Variants in CCDC149 observed in about 807,000 individuals in gnomAD.
CCDC149 encodes the protein coiled-coil domain-containing protein 149.
CCDC149 carries 45 observed loss-of-function variants against 59.9 expected under a neutral mutation model. The observed-to-expected ratio is 0.75, with a 90% CI of 0.59 to 0.96. The LOEUF (loss-of-function observed/expected upper bound fraction) is 0.96. Ranked by LOEUF, CCDC149 falls within the 40% of genes least tolerant of loss-of-function variation. CCDC149 has a pLI of 0.00. For missense variants in CCDC149, 584 were observed against 664.7 expected (o/e 0.88, Z 1.33); for synonymous variants, 245 against 260.6 (o/e 0.94, Z 0.58).
chr4:24,930,916 C>T (rs1408690849), intron 1 of CCDC149, among the ~76,000 whole-genome samples: 1 of 152,138 alleles, frequency 6.6e-6, no homozygotes, highest in Admixed American at 6.6e-5. Context: ...CTGGCACAAA[C>T]TCATACCTAA....
chr4:24,972,974 G>A (rs1313244710), intron 1 of CCDC149, among the ~76,000 whole-genome samples: 3 of 152,054 alleles, frequency 2.0e-5, no homozygotes, highest in Non-Finnish European at 4.4e-5. Flanking sequence ...TGTAAGGGTG[G>A]GCACCCATGA....
At chr4:24,832,536 T>A (rs1310921311) in intron 8 of CCDC149, among the ~76,000 whole-genome samples, 1 of 152,220 alleles carries the variant, frequency 6.6e-6, no homozygotes, top group Non-Finnish European at 1.5e-5. Flanking sequence ...GAGAGAGACC[T>A]GCCCCTTGTG....
intron 1 of CCDC149, among the ~76,000 whole-genome samples, chr4:24,877,897 G>A (rs563272089): frequency 2.6e-5 from 4 of 152,230 alleles, no homozygotes; most frequent in Admixed American, 6.5e-5. Flanking sequence ...ATATTGCACC[G>A]TCTAGTATTA....
chr4:24,946,739 C>T (rs1723119902), intron 1 of CCDC149, among the ~76,000 whole-genome samples: 1 of 152,128 alleles, frequency 6.6e-6, no homozygotes, highest in South Asian at 2.1e-4. Context: ...TTCATCTCTG[C>T]CATCCTAGTG....
At chr4:24,838,765 T>C (rs771164045) in intron 4 of CCDC149, among the ~76,000 whole-genome samples, 1 of 150,714 alleles carries the variant, frequency 6.6e-6, no homozygotes, top group Non-Finnish European at 1.5e-5. Context: ...ATTGCACTGT[T>C]ATTTAAAGAG....
At chr4:24,891,075 G>A (rs746489492) in intron 1 of CCDC149, among the ~76,000 whole-genome samples, 2 of 152,188 alleles carry the variant, frequency 1.3e-5, no homozygotes, top group Admixed American at 6.5e-5. Flanking sequence ...ATATTTTCCT[G>A]AGCACTGTTA....
intron 1 of CCDC149, among the ~76,000 whole-genome samples, chr4:24,965,693 C>A (rs569549271): frequency 3.9e-5 from 6 of 152,184 alleles, no homozygotes; most frequent in Non-Finnish European, 7.4e-5. Context: ...GAAAGAAGAT[C>A]TCAAATCAGT....
chr4:24,972,287 T>TTTTTCTTTTCTTTTC (rs200651666), intron 1 of CCDC149, among the ~76,000 whole-genome samples: 4,892 of 142,710 alleles, frequency 0.034, 179 homozygotes, highest in East Asian at 0.066. Flanking sequence ...AATTCTGACC[T>TTTTTCTTTTCTTTTC]TTTTCTTTTC....
At chr4:24,918,569 A>G (rs1722201659) in intron 1 of CCDC149, among the ~76,000 whole-genome samples, 1 of 152,018 alleles carries the variant, frequency 6.6e-6, no homozygotes, top group South Asian at 2.1e-4. Context: ...GCATCTTACA[A>G]TTGCATCGAA....
intron 12 of CCDC149, among the ~76,000 whole-genome samples, chr4:24,814,532 T>C (rs1714884953): frequency 6.6e-6 from 1 of 152,198 alleles, no homozygotes. Context: ...GGACCAGCAG[T>C]GGCAGCATCA....
chr4:24,846,671 A>C (rs996317685), intron 4 of CCDC149, among the ~76,000 whole-genome samples: 1 of 152,342 alleles, frequency 6.6e-6, no homozygotes, highest in East Asian at 1.9e-4. Flanking sequence ...CACCAATGAC[A>C]GATAAAACAG....
intron 1 of CCDC149, among the ~76,000 whole-genome samples, chr4:24,961,299 C>A (rs1440957242): frequency 6.6e-6 from 1 of 152,024 alleles, no homozygotes; most frequent in Non-Finnish European, 1.5e-5. Context: ...CAAATGGACA[C>A]TGACAAAAAA....
At chr4:24,935,069 G>T (rs1722700283) in intron 1 of CCDC149, among the ~76,000 whole-genome samples, 1 of 152,210 alleles carries the variant, frequency 6.6e-6, no homozygotes, top group Non-Finnish European at 1.5e-5. Context: ...TGGGATGAGG[G>T]AGACCAGATA....
intron 1 of CCDC149, among the ~76,000 whole-genome samples, chr4:24,976,487 C>T (rs1208619594): frequency 1.3e-5 from 2 of 152,070 alleles, no homozygotes; most frequent in South Asian, 2.1e-4. Context: ...CTGAGGCTGG[C>T]GAATCGCCTG....
At chr4:24,976,352 TG>T (rs1226849976) in intron 1 of CCDC149, among the ~76,000 whole-genome samples, 1 of 152,064 alleles carries the variant, frequency 6.6e-6, no homozygotes, top group East Asian at 1.9e-4. Flanking sequence ...GAACCAGGCC[TG>T]TGTCAGGGTG....
chr4:24,978,788 A>T (rs574627398), intron 1 of CCDC149, among the ~76,000 whole-genome samples: 4 of 152,306 alleles, frequency 2.6e-5, no homozygotes, highest in African/African-American at 9.6e-5. Flanking sequence ...ACAGATTCAG[A>T]TCTACTCGGA....
At position 24,821,073 on chromosome 4, in the gene CCDC149, C is replaced by T; in HGVS notation, c.1057G>A (p.Val353Ile). ...AACATACTCCCAAATCCTACTGAAA[C>T]ATTGTAGCTCAGGCCTTCAGGCAGC... The change falls in exon 11 of 13, where the codon GTT becomes ATT. Residue 353 changes from valine (V) to isoleucine (I), a missense_variant. Val to Ile is a conservative substitution (Grantham distance 29). Coordinates refer to ENST00000635206, the MANE Select transcript of CCDC149 (RefSeq NM_001330643.2). 2.4e-6 allele frequency: 3 copies of T among 1,231,288 alleles called. No homozygotes were observed. Among genetic ancestry groups the T allele is most frequent in the Non-Finnish European group, 3.0e-6 (3 of 987,668 alleles). The allele number at this position is 1,231,288 out of a possible 1,614,324, so 76.3% of individuals were successfully genotyped here.
At chr4:24,846,590 G>C (rs886478437) in intron 4 of CCDC149, among the ~76,000 whole-genome samples, 20 of 152,116 alleles carry the variant, frequency 1.3e-4, no homozygotes, top group Non-Finnish European at 1.5e-4. Flanking sequence ...TAATTGGTTT[G>C]CTCACCAAAT....
At chr4:24,831,466 C>T (rs1716140791) in intron 9 of CCDC149, 40 bp downstream of exon 9, 1 of 1,608,384 alleles carries the variant, frequency 6.2e-7, no homozygotes, top group Non-Finnish European at 8.5e-7. Flanking sequence ...GTCCCACTTC[C>T]TTCGCGCCCA....
Sources: gnomAD v4.1 joint callset for allele counts (sites outside exome capture counted in the v4.1 genomes callset) on GRCh38, gnomAD v4.1.1 for gene constraint, MANE v1.5 for transcripts, NCBI Gene and HGNC (gene_info 2026-07-23, HGNC 2026-07-21) for gene names.